CNTNAP5: variants seen among roughly 807,000 people sequenced by gnomAD.
The protein encoded by CNTNAP5 is contactin associated protein family member 5.
CNTNAP5 carries 72 observed loss-of-function variants against 150.2 expected under a neutral mutation model. That is an observed-to-expected ratio of 0.48 (90% CI 0.40 to 0.58). CNTNAP5 has a LOEUF of 0.58. Among genes scored for constraint, CNTNAP5 ranks in the 20% least tolerant of loss-of-function variants. The pLI is 0.00. For missense variants in CNTNAP5, 1,636 were observed against 1,626.2 expected (o/e 1.01, Z -0.10); for synonymous variants, 672 against 619.8 (o/e 1.08, Z -1.25).
intron 3 of CNTNAP5, among the ~76,000 whole-genome samples, chr2:124,273,634 C>T (rs1687811488): frequency 1.3e-5 from 2 of 152,132 alleles, no homozygotes; most frequent in African/African-American, 2.4e-5. Context: ...AGGGAGTGTC[C>T]CCCTTAACCC....
chr2:124,337,348 C>T (rs1433344266), intron 3 of CNTNAP5, among the ~76,000 whole-genome samples: 1 of 152,130 alleles, frequency 6.6e-6, no homozygotes, highest in African/African-American at 2.4e-5. Flanking sequence ...ATGGTACTTT[C>T]TTTTGCTGCG....
Position 124,713,301 on chromosome 2 carries a change from CT to C in CNTNAP5, c.2078-33926del, listed in dbSNP as rs1421553026. ...TCTTTCTTTCTTTCTTTCTTTCTTTCTTCTTTCTCTTTCTTTCCTTTCTTTC... is the reference window on the plus strand; with the variant it reads ...TCTTTCTTTCTTTCTTTCTTTCTTTCTCTTTCTCTTTCTTTCCTTTCTTTC... On this transcript the variant is annotated intron_variant, in intron 13 of 23. Coordinates refer to ENST00000682447, the MANE Select transcript of CNTNAP5 (RefSeq NM_001367498.1). Among the ~76,000 whole-genome samples the C allele has an allele frequency of 6.1e-3, 468 of 76,704 alleles. 10 individuals are homozygous for C. Among genetic ancestry groups the C allele is most frequent in the Non-Finnish European group, 8.3e-3 (296 of 35,834 alleles). 50.3% of individuals were successfully genotyped at this position (76,704 alleles called of 152,430 possible).
intron 3 of CNTNAP5, among the ~76,000 whole-genome samples, chr2:124,312,657 G>A (rs1432689456): frequency 6.6e-6 from 1 of 152,326 alleles, no homozygotes; most frequent in East Asian, 1.9e-4. Context: ...TGCAAGCTCC[G>A]CCTCCTGGGT....
chr2:124,786,505 GAAAAA>G (rs1681597139), intron 17 of CNTNAP5, among the ~76,000 whole-genome samples: 2 of 83,030 alleles, frequency 2.4e-5, no homozygotes, highest in African/African-American at 1.4e-4. Context: ...GGGAGGGAAA[GAAAAA>G]GAAAGAAAGA....
rs565970133 is a variant in CNTNAP5, at chr2:124,371,650, T to C, written c.382-45793T>C. ...TGCAACTGAAGCACTCTTAGAGAAA[T>C]GTTGTAGTAGCTGGTAAGATAAAGC... On this transcript the variant is annotated intron_variant, in intron 3 of 23. Coordinates refer to ENST00000682447, the MANE Select transcript of CNTNAP5 (RefSeq NM_001367498.1). Among the ~76,000 whole-genome samples, 40 of 152,186 alleles carry C rather than the reference T, an allele frequency of 2.6e-4. No individual in the cohort carries two copies. The South Asian group carries it at 7.9e-3, about 30-fold the overall frequency.
At position 124,049,756 on chromosome 2, in the gene CNTNAP5, T is replaced by C. The variant is rs143930561; in HGVS notation, c.82+24024T>C. 3.6e-3 allele frequency among the ~76,000 whole-genome samples: 555 copies of C among 152,284 alleles called. 1 individual carries two copies. Among genetic ancestry groups the C allele is most frequent in the Middle Eastern group, 0.01 (3 of 294 alleles). On this transcript the variant is annotated intron_variant, in intron 1 of 23. Transcript: ENST00000682447. ...TTTTGGCTTCTATAATAAAATACCA[T>C]AGCCTAGGTGATTTATATACAACAG...
chr2:124,560,979 A>C lies in CNTNAP5; in HGVS notation c.1650-2238A>C, dbSNP rs554537510. ...TGGGGCCCAAAACAACAAAAAAAAA[A>C]ACTACAGAATAAGCACCTATTGAGT... On this transcript the variant is annotated intron_variant, in intron 10 of 23. Transcript: ENST00000682447. 2.6e-5 allele frequency among the ~76,000 whole-genome samples: 4 copies of C among 152,248 alleles called. No individual in the cohort carries two copies. The South Asian group carries it at 6.2e-4, about 24-fold the overall frequency.
intron 8 of CNTNAP5, among the ~76,000 whole-genome samples, chr2:124,510,301 C>CTATATCTA (rs1553474656): frequency 1.2e-4 from 13 of 106,032 alleles, no homozygotes; most frequent in Admixed American, 1.1e-3. Flanking sequence ...ATCTATATAT[C>CTATATCTA]TATATATATA....
rs184458916 is a variant in CNTNAP5, at chr2:124,869,686, A to C, written c.3360A>C (p.Gln1120His). ...GRELTIQMDQ[Q>H]LRLSYNFSPE... ...CTGTTTTCCTGCAGATGGACCAGCAACTTCGACTCAGTTATAACTTCTCTC... is the reference window on the plus strand; with the variant it reads ...CTGTTTTCCTGCAGATGGACCAGCACCTTCGACTCAGTTATAACTTCTCTC... The change falls in exon 21 of 24, where the codon CAA becomes CAC. Residue 1120 changes from glutamine (Q) to histidine (H), a missense_variant. Physicochemically the swap from Gln to His is conservative, Grantham distance 24 (BLOSUM62 0). Transcript: ENST00000682447. The C allele has an allele frequency of 2.2e-3, 3,589 of 1,611,428 alleles. 4 individuals carry two copies. Among genetic ancestry groups the C allele is most frequent in the Non-Finnish European group, 2.9e-3 (3,394 of 1,178,190 alleles).
At chr2:124,477,853 A>G (rs1573400559) in intron 7 of CNTNAP5, among the ~76,000 whole-genome samples, 2 of 152,092 alleles carry the variant, frequency 1.3e-5, no homozygotes, top group East Asian at 3.9e-4. Flanking sequence ...AGTTTAGATT[A>G]GCCTAATGTC....
intron 13 of CNTNAP5, among the ~76,000 whole-genome samples, chr2:124,671,469 C>A (rs1237541579): frequency 6.6e-6 from 1 of 151,818 alleles, no homozygotes; most frequent in Non-Finnish European, 1.5e-5. Flanking sequence ...TTTTTAAAGA[C>A]AAAGGAGGAA....
At chr2:124,682,218 T>C (rs1473812320) in intron 13 of CNTNAP5, among the ~76,000 whole-genome samples, 1 of 152,174 alleles carries the variant, frequency 6.6e-6, no homozygotes, top group Non-Finnish European at 1.5e-5. Flanking sequence ...GTCTCTCTGA[T>C]CTTCTCCAAA....
In CNTNAP5 at chr2:124,536,352, C is replaced by T. The variant is rs150722552; in HGVS notation, c.1649+8896C>T. ...CAAAGTATGGCCCCCAGGACTGCAG[C>T]ATCGGTGTCACCTGGCAACTTGTTA... On this transcript the variant is annotated intron_variant, in intron 10 of 23. Coordinates refer to ENST00000682447, the MANE Select transcript of CNTNAP5 (RefSeq NM_001367498.1). 5.3e-3 allele frequency among the ~76,000 whole-genome samples: 801 copies of T among 152,284 alleles called. 8 individuals carry two copies. The Middle Eastern group carries it at 0.075, about 14-fold the overall frequency.
At chr2:124,607,955 G>A (rs994816372) in intron 11 of CNTNAP5, among the ~76,000 whole-genome samples, 13 of 152,156 alleles carry the variant, frequency 8.5e-5, no homozygotes, top group African/African-American at 2.9e-4. Flanking sequence ...CTCCTGCTGC[G>A]GAAAGTTTGC....
chr2:124,168,973 A>G (rs1191046305), intron 1 of CNTNAP5, among the ~76,000 whole-genome samples: 1 of 152,180 alleles, frequency 6.6e-6, no homozygotes, highest in Non-Finnish European at 1.5e-5. Context: ...CATACTCCTT[A>G]GATGGAATCC....
intron 6 of CNTNAP5, among the ~76,000 whole-genome samples, chr2:124,448,354 A>G (rs1388397112): frequency 6.6e-6 from 1 of 151,978 alleles, no homozygotes; most frequent in African/African-American, 2.4e-5. Context: ...ATTGATTTCT[A>G]ATTATTTCAC....
chr2:124,797,857 T>G lies in CNTNAP5; in HGVS notation c.2993-239T>G, dbSNP rs149209874. Reference sequence around the variant, plus strand: ...CACAGGAGGAAAACCTGAGCTTTCTTTTCTGGCTATGCAACCCTGTTCAAG... The same window carrying G: ...CACAGGAGGAAAACCTGAGCTTTCTGTTCTGGCTATGCAACCCTGTTCAAG... On this transcript the variant is annotated intron_variant, in intron 18 of 23. Coordinates refer to ENST00000682447, the MANE Select transcript of CNTNAP5 (RefSeq NM_001367498.1). Among the ~76,000 whole-genome samples the G allele has an allele frequency of 8.7e-4, 133 of 152,348 alleles. 1 individual carries two copies. Among genetic ancestry groups the G allele is most frequent in the African/African-American group, 3.1e-3 (129 of 41,588 alleles).
At chr2:124,359,568 T>C (rs1432954766) in intron 3 of CNTNAP5, among the ~76,000 whole-genome samples, 2 of 144,138 alleles carry the variant, frequency 1.4e-5, no homozygotes, top group Admixed American at 1.4e-4. Flanking sequence ...ATGTACCCAG[T>C]AGTCATTCAG....
At chr2:124,190,287 G>A (rs1264163389) in intron 1 of CNTNAP5, among the ~76,000 whole-genome samples, 2 of 152,200 alleles carry the variant, frequency 1.3e-5, no homozygotes, top group African/African-American at 4.8e-5. Flanking sequence ...CAAACTTCAA[G>A]GGTAGTTAGA....
Sources: allele counts gnomAD v4.1 joint callset (sites outside exome capture counted in the v4.1 genomes callset), GRCh38; gene constraint gnomAD v4.1.1; transcripts MANE v1.5; gene names NCBI Gene and HGNC (gene_info 2026-07-23, HGNC 2026-07-21).